ATP6V0D2: variants seen among roughly 807,000 people sequenced by gnomAD.
ATP6V0D2 encodes V-type proton ATPase subunit d 2.
Under a neutral mutation model 40.0 loss-of-function variants are expected in ATP6V0D2, and 40 were observed. The ratio of observed to expected loss-of-function variants is 1.00; its 90% CI spans 0.78 to 1.30. The LOEUF (loss-of-function observed/expected upper bound fraction) is 1.30, where lower values mean the gene tolerates loss of function less well. Among genes scored for constraint, ATP6V0D2 ranks in the 50% most tolerant of loss-of-function variants. ATP6V0D2 has a pLI of 0.00. For synonymous variants in ATP6V0D2, 179 were observed against 156.3 expected (o/e 1.15, Z -1.08); for missense variants, 470 against 423.1 (o/e 1.11, Z -0.97).
intron 2 of ATP6V0D2, among the ~76,000 whole-genome samples, chr8:86,129,251 C>A (rs949436318): frequency 2.2e-4 from 34 of 152,240 alleles, no homozygotes; most frequent in Admixed American, 9.8e-4. Context: ...AAAGCCTGGG[C>A]TCCTACTGTG....
At chr8:86,138,864 G>A (rs1200984865) in intron 2 of ATP6V0D2, among the ~76,000 whole-genome samples, 1 of 152,202 alleles carries the variant, frequency 6.6e-6, no homozygotes, top group Non-Finnish European at 1.5e-5. Flanking sequence ...TGACTGTGGA[G>A]GGGCTTCTTC....
At chr8:86,104,850 TACAC>T (rs146266622) in intron 1 of ATP6V0D2, among the ~76,000 whole-genome samples, 111 of 146,076 alleles carry the variant, frequency 7.6e-4, no homozygotes, top group Non-Finnish European at 1.0e-3. Flanking sequence ...TTAAAACACA[TACAC>T]ACACACACAC....
chr8:86,124,869 T>C (rs1000843876), intron 2 of ATP6V0D2, among the ~76,000 whole-genome samples: 1 of 152,170 alleles, frequency 6.6e-6, no homozygotes, highest in African/African-American at 2.4e-5. Context: ...TTGAAAAAAA[T>C]GTATACTTAT....
chr8:86,123,097 C>T (rs4961092), intron 2 of ATP6V0D2, among the ~76,000 whole-genome samples: 65,641 of 152,058 alleles, frequency 0.43, 16,648 homozygotes, highest in Non-Finnish European at 0.56. Context: ...TGGTTGAACA[C>T]TTCCGCTACC....
intron 2 of ATP6V0D2, among the ~76,000 whole-genome samples, chr8:86,119,037 G>C (rs973297146): frequency 6.6e-6 from 1 of 152,072 alleles, no homozygotes; most frequent in African/African-American, 2.4e-5. Context: ...CAGTGACAGA[G>C]GGCAGCCCAA....
intron 5 of ATP6V0D2, among the ~76,000 whole-genome samples, chr8:86,148,466 A>G (rs1430992469): frequency 6.6e-6 from 1 of 152,184 alleles, no homozygotes; most frequent in African/African-American, 2.4e-5. Flanking sequence ...GGGTTTTGTT[A>G]TAGGTTAACC....
At chr8:86,102,184 G>A (rs1042026908) in intron 1 of ATP6V0D2, among the ~76,000 whole-genome samples, 1 of 152,100 alleles carries the variant, frequency 6.6e-6, no homozygotes, top group African/African-American at 2.4e-5. Context: ...ACTCCATTTT[G>A]AAACAGAAAA....
At chr8:86,137,956 A>G (rs1032117307) in intron 2 of ATP6V0D2, among the ~76,000 whole-genome samples, 1 of 152,168 alleles carries the variant, frequency 6.6e-6, no homozygotes, top group African/African-American at 2.4e-5. Context: ...CTCATTGTAT[A>G]GGTGTTTGTT....
intron 2 of ATP6V0D2, among the ~76,000 whole-genome samples, chr8:86,130,296 A>G (rs1818805497): frequency 6.6e-6 from 1 of 152,174 alleles, no homozygotes; most frequent in Non-Finnish European, 1.5e-5. Flanking sequence ...ATAACACAGT[A>G]TGGACTTTAA....
At chr8:86,104,620 C>T (rs556335100) in intron 1 of ATP6V0D2, among the ~76,000 whole-genome samples, 24 of 152,120 alleles carry the variant, frequency 1.6e-4, no homozygotes, top group African/African-American at 4.8e-4. Context: ...AAGCTAGGAA[C>T]GAGTGGCAGG....
At chr8:86,099,145 A>AG (rs748736036) in intron 1 of ATP6V0D2, 37 bp downstream of exon 1, 4 of 1,556,962 alleles carry the variant, frequency 2.6e-6, no homozygotes, top group Admixed American at 4.3e-5. Context: ...AAAAGAAAAA[A>AG]AAAAAAATGA....
chr8:86,106,190 T>G (rs184135021), intron 1 of ATP6V0D2, among the ~76,000 whole-genome samples: 8 of 151,918 alleles, frequency 5.3e-5, no homozygotes, highest in Admixed American at 4.6e-4. Flanking sequence ...CAGTAGTGGG[T>G]AGCGTGATCA....
Position 86,152,813 on chromosome 8 carries a change from C to T in ATP6V0D2, c.892-3C>T, listed in dbSNP as rs1274772289. On this transcript the variant is annotated splice_region_variant and splice_polypyrimidine_tract_variant and intron_variant, in intron 7 of 7. Coordinates refer to ENST00000285393, the MANE Select transcript of ATP6V0D2 (RefSeq NM_152565.1). ...ATCTGTGTTACTTTTTTTCTTTCCT[C>T]AGGTACAAATGAATGTGCTGGCATT... 1.3e-6 allele frequency: 2 copies of T among 1,583,416 alleles called. No individual in the cohort carries two copies. The highest frequency in any genetic ancestry group is 1.9e-5 in the Admixed American group (1 of 51,358).
intron 1 of ATP6V0D2, among the ~76,000 whole-genome samples, chr8:86,104,713 A>G (rs1279295790): frequency 6.6e-6 from 1 of 152,112 alleles, no homozygotes; most frequent in Non-Finnish European, 1.5e-5. Flanking sequence ...TTTAATTTCA[A>G]AATAACATAT....
intron 2 of ATP6V0D2, among the ~76,000 whole-genome samples, chr8:86,138,294 T>G (rs888038692): frequency 1.6e-4 from 24 of 152,264 alleles, no homozygotes; most frequent in African/African-American, 5.8e-4. Flanking sequence ...GCAAGTCTAA[T>G]TCCAGGACTG....
chr8:86,123,396 T>C (rs1563559661), intron 2 of ATP6V0D2, among the ~76,000 whole-genome samples: 2 of 152,236 alleles, frequency 1.3e-5, no homozygotes, highest in Non-Finnish European at 2.9e-5. Flanking sequence ...TTTTAACTCC[T>C]GCTTCGCAAA....
At chr8:86,105,645 T>C (rs545957446) in intron 1 of ATP6V0D2, among the ~76,000 whole-genome samples, 1 of 128,740 alleles carries the variant, frequency 7.8e-6, no homozygotes, top group East Asian at 2.4e-4. Flanking sequence ...TTGAGATGGA[T>C]TCTCTGTCGC....
rs866331465 is a variant in ATP6V0D2, at chr8:86,148,770, G to C, written c.640-1342G>C. Among the ~76,000 whole-genome samples the C allele has an allele frequency of 2.4e-4, 37 of 152,098 alleles. No homozygotes were observed. The Middle Eastern group carries it at 0.01, about 42-fold the overall frequency. ...AGACTTTCTTATGTGTCAGGCACTGGCTATTCAAAAATGAACAAAAGGCTG... is the reference window on the plus strand; with the variant it reads ...AGACTTTCTTATGTGTCAGGCACTGCCTATTCAAAAATGAACAAAAGGCTG... On this transcript the variant is annotated intron_variant, in intron 5 of 7. Transcript: ENST00000285393.
rs1819179618 is a variant in ATP6V0D2 at position 86,153,110 on chromosome 8, C to T, written c.*133C>T. 3 of 703,920 alleles carry T rather than the reference C, an allele frequency of 4.3e-6. No individual in the cohort carries two copies. Among genetic ancestry groups the T allele is most frequent in the Non-Finnish European group, 6.4e-6 (3 of 468,906 alleles). 43.6% of individuals were successfully genotyped at this position (703,920 alleles called of 1,614,324 possible). A position where few individuals can be genotyped will look rare whatever the true frequency, so the allele number is the denominator to read the frequency against. On this transcript the variant is annotated 3_prime_UTR_variant, in exon 8 of 8. Coordinates refer to ENST00000285393, the MANE Select transcript of ATP6V0D2 (RefSeq NM_152565.1). ...CACTATATCTTCATGAGTTGCAAAT[C>T]CATGGAAACACAGTAAACCAGCCCT...
Sources: allele counts gnomAD v4.1 joint callset (sites outside exome capture counted in the v4.1 genomes callset), GRCh38; gene constraint gnomAD v4.1.1; transcripts MANE v1.5; gene names NCBI Gene and HGNC (gene_info 2026-07-23, HGNC 2026-07-21).